TFDP2: variants seen among roughly 807,000 people sequenced by gnomAD.
The protein encoded by TFDP2 is transcription factor Dp-2.
A neutral mutation model predicts 59.3 loss-of-function variants in TFDP2; 17 were observed. That is an observed-to-expected ratio of 0.29 (90% confidence interval 0.20 to 0.43). The LOEUF is 0.43. TFDP2 is among the 20% of genes least tolerant of loss of function. The pLI, the probability that TFDP2 is intolerant of heterozygous loss-of-function variation, is 1.00. For synonymous variants in TFDP2, 180 were observed against 194.7 expected (o/e 0.92, Z 0.63); for missense variants, 391 against 528.8 (o/e 0.74, Z 2.56).
At chr3:142,076,683 A>T (rs1003161899) in intron 3 of TFDP2, among the ~76,000 whole-genome samples, 11 of 152,220 alleles carry the variant, frequency 7.2e-5, no homozygotes, top group Admixed American at 3.3e-4. Flanking sequence ...ATGTTCCTCA[A>T]TCAACATTCT....
intron 4 of TFDP2, among the ~76,000 whole-genome samples, chr3:141,996,192 A>G (rs770738658): frequency 3.9e-5 from 6 of 152,126 alleles, no homozygotes; most frequent in Admixed American, 3.3e-4. Context: ...AAAACAAAAC[A>G]TGTTTTTCCC....
In TFDP2 at chr3:141,982,348, A is replaced by C. The variant is rs1332667052; in HGVS notation, c.357-3666T>G. 3.3e-5 allele frequency among the ~76,000 whole-genome samples: 5 copies of C among 152,122 alleles called. No individual in the cohort carries two copies. In the East Asian group the frequency reaches 5.8e-4, roughly 18 times the overall value. On this transcript the variant is annotated intron_variant, in intron 6 of 12. Transcript: ENST00000489671. The stretch of plus-strand genomic sequence containing the variant: ...ACTGGTTAATGGCTTAAAGTAAATA[A>C]ATTTCTCAACTTAGTGGTTATATGC...
At chr3:142,110,347 T>C (rs1453291965) in intron 1 of TFDP2, among the ~76,000 whole-genome samples, 1 of 151,884 alleles carries the variant, frequency 6.6e-6, no homozygotes, top group Non-Finnish European at 1.5e-5. Flanking sequence ...CTACTAAAAA[T>C]ACAAAAATTA....
Position 141,978,596 on chromosome 3 carries a change from G to T in TFDP2, c.443C>A (p.Thr148Lys), listed in dbSNP as rs1053999973. The stretch of plus-strand genomic sequence containing the variant: ...ATCAGCGACTTCATTGTACGATGTT[G>T]TACCTTTTCGTTGAACTTTCTCACA... The part of the protein sequence containing the change: ...KVCEKVQRKG[T>K]TSYNEVADEL... Residue 148 changes from threonine to lysine, a missense_variant, in exon 7 of 13, where the codon ACA (threonine) becomes AAA (lysine). Physicochemically the swap from Thr to Lys is moderately conservative, Grantham distance 78. Coordinates refer to ENST00000489671, the MANE Select transcript of TFDP2 (RefSeq NM_001178139.2). The T allele has an allele frequency of 6.2e-7, 1 of 1,613,490 alleles. No homozygotes were observed. Among genetic ancestry groups the T allele is most frequent in the Non-Finnish European group, 8.5e-7 (1 of 1,179,866 alleles).
At chr3:142,145,711 C>CTAAATAAATAAATAAA (rs142832325) in intron 1 of TFDP2, among the ~76,000 whole-genome samples, 163 of 148,160 alleles carry the variant, frequency 1.1e-3, no homozygotes, top group Middle Eastern at 3.4e-3. Context: ...GACTCTGTCT[C>CTAAATAAATAAATAAA]TAAATAAATA....
At chr3:141,961,763 T>C (rs1937389397) in intron 10 of TFDP2, among the ~76,000 whole-genome samples, 1 of 152,090 alleles carries the variant, frequency 6.6e-6, no homozygotes, top group African/African-American at 2.4e-5. Context: ...GTTAAGAAAC[T>C]TAGAAGATTA....
chr3:142,104,957 C>T (rs951740979), intron 1 of TFDP2, among the ~76,000 whole-genome samples: 3 of 152,010 alleles, frequency 2.0e-5, no homozygotes, highest in Non-Finnish European at 4.4e-5. Flanking sequence ...ACTTTGGCTC[C>T]GTCTCAGCTC....
At chr3:141,968,527 T>G (rs866134036) in intron 9 of TFDP2, among the ~76,000 whole-genome samples, 9 of 107,706 alleles carry the variant, frequency 8.4e-5, no homozygotes, top group African/African-American at 3.4e-4. Flanking sequence ...CTCATATATA[T>G]AGATATATAT....
chr3:142,025,045 T>C (rs543082136), intron 3 of TFDP2, among the ~76,000 whole-genome samples: 1 of 152,040 alleles, frequency 6.6e-6, no homozygotes, highest in Non-Finnish European at 1.5e-5. Context: ...AAAGATTTAA[T>C]TTAATATTTA....
rs111289276 is a variant in TFDP2 at position 142,101,605 on chromosome 3, A to G, written c.15+130T>C. 1.0e-5 allele frequency: 6 copies of G among 575,496 alleles called. No homozygotes were observed. In the African/African-American group the frequency reaches 1.1e-4, roughly 11 times the overall value. The allele number at this position is 575,496 out of a possible 1,614,324, so 35.6% of individuals were successfully genotyped here. A position where few individuals can be genotyped will look rare whatever the true frequency, so the allele number is the denominator to read the frequency against. On this transcript the variant is annotated intron_variant, in intron 2 of 12. Coordinates refer to ENST00000489671, the MANE Select transcript of TFDP2 (RefSeq NM_001178139.2). Reference sequence around the variant, plus strand: ...AGCTTATCTCATATTCTGCATAAACATAAACAAATACAATTATAAATCCAT... The same window carrying G: ...AGCTTATCTCATATTCTGCATAAACGTAAACAAATACAATTATAAATCCAT...
At chr3:141,958,775 A>C (rs1449431848) in intron 11 of TFDP2, among the ~76,000 whole-genome samples, 1 of 152,226 alleles carries the variant, frequency 6.6e-6, no homozygotes, top group Non-Finnish European at 1.5e-5. Context: ...TGTAAAGAGG[A>C]GCAGCGTACA....
At chr3:142,023,824 G>A (rs1945858824) in intron 3 of TFDP2, among the ~76,000 whole-genome samples, 1 of 151,970 alleles carries the variant, frequency 6.6e-6, no homozygotes, top group Non-Finnish European at 1.5e-5. Context: ...TTTTTTTTGA[G>A]ACAGGGTCTT....
At chr3:142,077,733 C>T (rs981554079) in intron 3 of TFDP2, among the ~76,000 whole-genome samples, 1 of 152,024 alleles carries the variant, frequency 6.6e-6, no homozygotes, top group African/African-American at 2.4e-5. Flanking sequence ...GCTGGCTTCA[C>T]GTATGACCCA....
At chr3:142,079,892 A>C (rs961524974) in intron 3 of TFDP2, among the ~76,000 whole-genome samples, 1 of 152,256 alleles carries the variant, frequency 6.6e-6, no homozygotes, top group African/African-American at 2.4e-5. Context: ...AGAAATTCTA[A>C]AGAAATTCCT....
At chr3:141,995,223 C>T (rs574335437) in intron 4 of TFDP2, 82 bp from the exon 5 acceptor site, 2 of 1,215,284 alleles carry the variant, frequency 1.6e-6, no homozygotes, top group African/African-American at 1.6e-5. Flanking sequence ...GATTGCTAAC[C>T]TACATATGAG....
chr3:142,141,091 C>T (rs1317771496), intron 1 of TFDP2, among the ~76,000 whole-genome samples: 1 of 152,216 alleles, frequency 6.6e-6, no homozygotes. Context: ...ACCCCTCCCC[C>T]AACCCGGCTG....
chr3:142,025,499 G>T (rs1487181277), intron 3 of TFDP2, among the ~76,000 whole-genome samples: 1 of 152,204 alleles, frequency 6.6e-6, no homozygotes, highest in South Asian at 2.1e-4. Flanking sequence ...ATTTATAATT[G>T]TAAGTGATAC....
At chr3:142,078,909 G>A (rs186696095) in intron 3 of TFDP2, among the ~76,000 whole-genome samples, 233 of 152,038 alleles carry the variant, frequency 1.5e-3, no homozygotes, top group Admixed American at 5.6e-3. Flanking sequence ...AAGATAACAC[G>A]GAGAAGGAAT....
intron 3 of TFDP2, among the ~76,000 whole-genome samples, chr3:142,060,736 G>T (rs2059891866): frequency 1.3e-5 from 2 of 152,142 alleles, no homozygotes; most frequent in South Asian, 4.1e-4. Context: ...TTAGGAGTAA[G>T]GTATCAGTGG....
Sources: allele counts gnomAD v4.1 joint callset (sites outside exome capture counted in the v4.1 genomes callset), GRCh38; gene constraint gnomAD v4.1.1; transcripts MANE v1.5; gene names NCBI Gene and HGNC (gene_info 2026-07-23, HGNC 2026-07-21).